Variants in GPHN observed in about 807,000 individuals in gnomAD.
GPHN encodes the protein gephyrin.
GPHN carries 17 observed loss-of-function variants against 95.5 expected under a neutral mutation model. That is an observed-to-expected ratio of 0.18 (90% CI 0.12 to 0.27). GPHN has a LOEUF of 0.27. Ranked by LOEUF, GPHN falls within the 10% of genes least tolerant of loss-of-function variation. The probability of loss-of-function intolerance (pLI) is 1.00; values close to 1 mark genes in which losing one functional copy is unlikely to be tolerated. For missense variants in GPHN, 660 were observed against 978.1 expected (o/e 0.67, Z 4.34); for synonymous variants, 320 against 322.5 (o/e 0.99, Z 0.08).
At chr14:67,292,561 G>A in the GPHN span, 1 of 1,613,482 alleles carries the variant, frequency 6.2e-7, no homozygotes, top group Non-Finnish European at 8.5e-7. Flanking sequence ...TACTTTGGTA[G>A]ATTCTCAGAG....
the GPHN span, among the ~76,000 whole-genome samples, chr14:67,247,618 C>T: frequency 9.9e-5 from 15 of 152,006 alleles, no homozygotes; most frequent in Non-Finnish European, 2.1e-4. Flanking sequence ...CTCACTCTAT[C>T]CCCAGGCTAA....
At chr14:67,339,711 G>GA in the GPHN span, among the ~76,000 whole-genome samples, 1 of 152,280 alleles carries the variant, frequency 6.6e-6, no homozygotes. Flanking sequence ...TCCTGAACAT[G>GA]AAATACATAT....
Position 66,754,610 on chromosome 14 carries a change from C to G in GPHN, c.144-21854C>G, listed in dbSNP as rs574138766. Among the ~76,000 whole-genome samples the G allele has an allele frequency of 6.7e-5, 10 of 149,390 alleles. No individual in the cohort carries two copies. The South Asian group carries it at 1.9e-3, about 28-fold the overall frequency. On this transcript the variant is annotated intron_variant, in intron 2 of 22. Transcript: ENST00000478722. Reference sequence around the variant, plus strand: ...AATAATGCGATAATAGAAATAAGATCTACTTATTTTCTACTATTCTGTAAA... The same window carrying G: ...AATAATGCGATAATAGAAATAAGATGTACTTATTTTCTACTATTCTGTAAA...
At chr14:67,362,881 C>T in the GPHN span, among the ~76,000 whole-genome samples, 1 of 151,944 alleles carries the variant, frequency 6.6e-6, no homozygotes, top group Non-Finnish European at 1.5e-5. Flanking sequence ...AATAACATAC[C>T]ATCAACAGTA....
At chr14:67,507,147 G>A in the GPHN span, among the ~76,000 whole-genome samples, 2 of 152,106 alleles carry the variant, frequency 1.3e-5, no homozygotes, top group Non-Finnish European at 2.9e-5. Context: ...GCAACAGAGG[G>A]GGTTATACTC....
At chr14:67,577,290 T>C in the GPHN span, 1 of 1,547,470 alleles carries the variant, frequency 6.5e-7, no homozygotes, top group South Asian at 1.2e-5. Context: ...TCTGGTTCCG[T>C]GCTTTGGGCA....
chr14:67,169,835 G>A (rs865839323), intron 21 of GPHN, among the ~76,000 whole-genome samples: 6 of 152,168 alleles, frequency 3.9e-5, no homozygotes, highest in Non-Finnish European at 7.3e-5. Context: ...CCAGCACTTC[G>A]GGAGGCCGAG....
chr14:66,813,654 G>A (rs1411180185), intron 3 of GPHN, among the ~76,000 whole-genome samples: 1 of 152,230 alleles, frequency 6.6e-6, no homozygotes, highest in Non-Finnish European at 1.5e-5. Context: ...AGGGTTTGGT[G>A]CAGAAGTAAC....
At chr14:66,648,566 A>G (rs956723147) in intron 1 of GPHN, among the ~76,000 whole-genome samples, 3 of 152,108 alleles carry the variant, frequency 2.0e-5, no homozygotes, top group Non-Finnish European at 4.4e-5. Context: ...AACATCTTCT[A>G]TAGGTTTGTA....
chr14:67,634,096 G>C, the GPHN span, among the ~76,000 whole-genome samples: 1 of 151,982 alleles, frequency 6.6e-6, no homozygotes, highest in Admixed American at 6.5e-5. Context: ...GTATACTTTT[G>C]TTGAAGGAAA....
chr14:67,322,183 C>G, the GPHN span, among the ~76,000 whole-genome samples: 1 of 151,744 alleles, frequency 6.6e-6, no homozygotes, highest in Non-Finnish European at 1.5e-5. Context: ...CCATCTCTAC[C>G]AAAAATTAAA....
At chr14:66,623,771 G>A (rs1006350474) in intron 1 of GPHN, among the ~76,000 whole-genome samples, 2 of 152,026 alleles carry the variant, frequency 1.3e-5, no homozygotes, top group Non-Finnish European at 2.9e-5. Context: ...TAAAGAAGAG[G>A]AGGGACCTGA....
At chr14:67,610,988 C>G in the GPHN span, 1 of 154,074 alleles carries the variant, frequency 6.5e-6, no homozygotes, top group Non-Finnish European at 1.5e-5. Context: ...ACCTGTGCCA[C>G]TTGCTCATGA....
intron 2 of GPHN, among the ~76,000 whole-genome samples, chr14:66,773,364 T>TTC (rs2059254084): frequency 6.6e-6 from 1 of 150,810 alleles, no homozygotes; most frequent in Non-Finnish European, 1.5e-5. Flanking sequence ...TTTTTTTTTT[T>TTC]TTTTTTTGAG....
intron 2 of GPHN, among the ~76,000 whole-genome samples, chr14:66,728,525 T>C (rs1376424174): frequency 6.6e-6 from 1 of 152,194 alleles, no homozygotes; most frequent in Non-Finnish European, 1.5e-5. Flanking sequence ...AACCCACCTT[T>C]TGCATCAGCA....
the GPHN span, among the ~76,000 whole-genome samples, chr14:67,373,301 AG>A: frequency 6.6e-6 from 1 of 152,224 alleles, no homozygotes; most frequent in Non-Finnish European, 1.5e-5. Context: ...TAACACTAAA[AG>A]TGGTGAATTT....
chr14:66,990,653 T>A (rs549780823), intron 9 of GPHN, among the ~76,000 whole-genome samples: 2 of 152,292 alleles, frequency 1.3e-5, no homozygotes, highest in South Asian at 4.1e-4. Context: ...CAGACTCTTA[T>A]GTACATAACC....
the GPHN span, chr14:67,338,783 T>G: frequency 1.3e-6 from 2 of 1,596,068 alleles, no homozygotes; most frequent in South Asian, 2.3e-5. Flanking sequence ...CAGGTGGGGG[T>G]GGATTTTTTA....
At chr14:67,084,611 C>T (rs2076815233) in intron 11 of GPHN, among the ~76,000 whole-genome samples, 1 of 152,146 alleles carries the variant, frequency 6.6e-6, no homozygotes, top group Non-Finnish European at 1.5e-5. Flanking sequence ...CTTGTGAATT[C>T]CTTGAGGACA....
Sources: allele counts gnomAD v4.1 joint callset (sites outside exome capture counted in the v4.1 genomes callset), GRCh38; gene constraint gnomAD v4.1.1; transcripts MANE v1.5; gene names NCBI Gene and HGNC (gene_info 2026-07-23, HGNC 2026-07-21).